The following FOCAD variants were observed in gnomAD, a reference collection of about 807,000 sequenced individuals.
FOCAD encodes focadhesin.
In FOCAD, 198 loss-of-function variants were observed where a neutral mutation model predicts 225.6. The ratio of observed to expected loss-of-function variants is 0.88; its 90% CI spans 0.78 to 0.99. The LOEUF (loss-of-function observed/expected upper bound fraction) is 0.99, where lower values mean the gene tolerates loss of function less well. Among genes scored for constraint, FOCAD ranks in the 50% least tolerant of loss-of-function variants. FOCAD has a pLI of 0.00. For synonymous variants in FOCAD, 897 were observed against 755.0 expected (o/e 1.19, Z -3.08); for missense variants, 2,713 against 2,123.6 (o/e 1.28, Z -5.46).
At chr9:20,940,475 G>T (rs953316541) in intron 28 of FOCAD, among the ~76,000 whole-genome samples, 1 of 151,968 alleles carries the variant, frequency 6.6e-6, no homozygotes, top group Non-Finnish European at 1.5e-5. Context: ...TGTAGAGACA[G>T]GGTCTTACTG....
chr9:20,708,831 C>A (rs1049423421), intron 1 of FOCAD, among the ~76,000 whole-genome samples: 1 of 151,982 alleles, frequency 6.6e-6, no homozygotes, highest in Non-Finnish European at 1.5e-5. Flanking sequence ...CATATGACTG[C>A]CCTTGAGCCG....
At chr9:20,796,150 T>C (rs993303532) in intron 11 of FOCAD, among the ~76,000 whole-genome samples, 1 of 152,182 alleles carries the variant, frequency 6.6e-6, no homozygotes, top group African/African-American at 2.4e-5. Flanking sequence ...GAACTCATAA[T>C]TTTTTATGGC....
chr9:20,675,303 A>G (rs1439456364), intron 2 of FOCAD, among the ~76,000 whole-genome samples: 1 of 152,246 alleles, frequency 6.6e-6, no homozygotes. Flanking sequence ...TAGTTTTTAC[A>G]TAAAAATATA....
At chr9:20,772,677 T>TG (rs1417548541) in intron 8 of FOCAD, among the ~76,000 whole-genome samples, 1 of 151,940 alleles carries the variant, frequency 6.6e-6, no homozygotes, top group Admixed American at 6.6e-5. Flanking sequence ...TGGTGGTGGT[T>TG]GGGGGGCGTG....
intron 15 of FOCAD, among the ~76,000 whole-genome samples, chr9:20,853,793 T>C (rs1827903667): frequency 6.6e-6 from 1 of 151,822 alleles, no homozygotes; most frequent in Non-Finnish European, 1.5e-5. Flanking sequence ...ATTAAAAGGC[T>C]GTGAAATTGC....
intron 14 of FOCAD, among the ~76,000 whole-genome samples, chr9:20,821,850 G>C (rs1023563265): frequency 6.6e-6 from 1 of 151,860 alleles, no homozygotes; most frequent in African/African-American, 2.4e-5. Flanking sequence ...TGTGCAGTGG[G>C]TTGGCCCAGA....
chr9:20,802,639 A>G (rs1821971552), intron 11 of FOCAD, among the ~76,000 whole-genome samples: 1 of 152,162 alleles, frequency 6.6e-6, no homozygotes, highest in Non-Finnish European at 1.5e-5. Flanking sequence ...CAATATTGTC[A>G]TATGTTATTC....
At chr9:20,970,549 T>C (rs1379271027) in intron 35 of FOCAD, among the ~76,000 whole-genome samples, 1 of 152,104 alleles carries the variant, frequency 6.6e-6, no homozygotes, top group Non-Finnish European at 1.5e-5. Flanking sequence ...AAAAAAGAAC[T>C]CTTTTTGATA....
chr9:20,894,419 A>G (rs938425071), intron 21 of FOCAD, among the ~76,000 whole-genome samples: 2 of 152,090 alleles, frequency 1.3e-5, no homozygotes, highest in African/African-American at 4.8e-5. Flanking sequence ...ATTGTATGGT[A>G]AGAGTGTGTT....
At chr9:20,834,037 G>A (rs1226896936) in intron 15 of FOCAD, among the ~76,000 whole-genome samples, 1 of 152,006 alleles carries the variant, frequency 6.6e-6, no homozygotes, top group Non-Finnish European at 1.5e-5. Context: ...GACTTGTACG[G>A]AATGTTCATT....
intron 35 of FOCAD, among the ~76,000 whole-genome samples, chr9:20,961,147 TCTCCA>T (rs1838680342): frequency 6.6e-6 from 1 of 151,610 alleles, no homozygotes; most frequent in Non-Finnish European, 1.5e-5. Flanking sequence ...TCTCCTCTCC[TCTCCA>T]CTCCTCCCCT....
At chr9:20,679,768 A>G (rs943409494), upstream of FOCAD, among the ~76,000 whole-genome samples, 5 of 152,222 alleles carry the variant, frequency 3.3e-5, no homozygotes, top group Non-Finnish European at 7.3e-5. Context: ...TTTAAAAGGC[A>G]GAGTTTTGCA....
intron 15 of FOCAD, among the ~76,000 whole-genome samples, chr9:20,827,594 G>C (rs1825037750): frequency 6.6e-6 from 1 of 151,860 alleles, no homozygotes; most frequent in Non-Finnish European, 1.5e-5. Context: ...GGACAGTGTA[G>C]ATGAACCTAG....
At chr9:20,830,584 G>A (rs1442687857) in intron 15 of FOCAD, among the ~76,000 whole-genome samples, 2 of 152,066 alleles carry the variant, frequency 1.3e-5, no homozygotes, top group East Asian at 1.9e-4. Context: ...TTTTGATGTA[G>A]CGACATATTT....
intron 24 of FOCAD, among the ~76,000 whole-genome samples, chr9:20,920,043 A>T (rs1451656275): frequency 6.6e-6 from 1 of 152,140 alleles, no homozygotes; most frequent in African/African-American, 2.4e-5. Context: ...AAATGGGAGA[A>T]AATTTTCTCA....
chr9:20,789,466 TAG>T lies in FOCAD; in HGVS notation c.1316_1317del (p.Glu439ValfsTer23). Reference sequence around the variant, plus strand: ...GCTGCAAGTGACTGGTTGGCTTCAGTAGAGTCATTGCTTCCTATTACTGCTGT... The same window carrying T: ...GCTGCAAGTGACTGGTTGGCTTCAGTAGTCATTGCTTCCTATTACTGCTGT... On this transcript the variant is annotated frameshift_variant, in exon 11 of 44. Transcript: ENST00000338382. LOFTEE classifies it high-confidence loss of function. 6.2e-7 allele frequency: 1 copy of T among 1,614,054 alleles called. No individual in the cohort carries two copies. The highest frequency in any genetic ancestry group is 8.5e-7 in the Non-Finnish European group (1 of 1,179,988).
In FOCAD at chr9:20,981,519, G is replaced by T; in HGVS notation, c.4471G>T (p.Val1491Leu). Residue 1491 changes from valine to leucine, a missense_variant, in exon 38 of 44, where the codon GTG (valine) becomes TTG (leucine). Coordinates refer to ENST00000338382, the MANE Select transcript of FOCAD (RefSeq NM_001375567.1). ...CCTGGGTTTTGTTGAAAATTTAATG[G>T]TGGCAGTTTTTAAAGCAGCTTCCCC... is the stretch of plus-strand genomic sequence containing the variant. ...QILGFVENLM[V>L]AVFKAASPLG... 13 of 1,613,982 alleles carry T rather than the reference G, an allele frequency of 8.1e-6. No individual in the cohort carries two copies. The highest frequency in any genetic ancestry group is 1.1e-5 in the Non-Finnish European group (13 of 1,179,994).
At chr9:20,799,102 G>A (rs996583678) in intron 11 of FOCAD, among the ~76,000 whole-genome samples, 1 of 152,124 alleles carries the variant, frequency 6.6e-6, no homozygotes, top group African/African-American at 2.4e-5. Context: ...CATTTGTTAT[G>A]TACCCAGTAG....
chr9:20,875,624 A>G (rs1022889498), intron 19 of FOCAD: 6 of 151,344 alleles, frequency 4.0e-5, no homozygotes, highest in Non-Finnish European at 7.4e-5. Context: ...AAGTATTCTA[A>G]TGCTTATATG....
Sources: allele counts gnomAD v4.1 joint callset (sites outside exome capture counted in the v4.1 genomes callset), GRCh38; gene constraint gnomAD v4.1.1; transcripts MANE v1.5; gene names NCBI Gene and HGNC (gene_info 2026-07-23, HGNC 2026-07-21).